The following FMN2 variants were observed in gnomAD, a reference collection of about 807,000 sequenced individuals.
The protein encoded by FMN2 is formin 2, also known as formin-2.
FMN2 carries 51 observed loss-of-function variants against 142.3 expected under a neutral mutation model. That is an observed-to-expected ratio of 0.36 (90% CI 0.29 to 0.45). The LOEUF (loss-of-function observed/expected upper bound fraction) is 0.45. Ranked by LOEUF, FMN2 falls within the 20% of genes least tolerant of loss-of-function variation. The pLI is 1.00. For missense variants in FMN2, 1,936 were observed against 2,122.8 expected (o/e 0.91, Z 1.73); for synonymous variants, 882 against 869.8 (o/e 1.01, Z -0.25).
intron 10 of FMN2, among the ~76,000 whole-genome samples, chr1:240,330,402 T>A (rs3795680): frequency 0.3 from 45,017 of 152,010 alleles, 6,750 homozygotes; most frequent in East Asian, 0.33. Flanking sequence ...TACAAAGGCA[T>A]ACCTGAATGT....
At chr1:240,113,301 C>T (rs563318360) in intron 1 of FMN2, among the ~76,000 whole-genome samples, 1 of 152,040 alleles carries the variant, frequency 6.6e-6, no homozygotes, top group Non-Finnish European at 1.5e-5. Context: ...CGGTGGTGCG[C>T]ACCTGTAATC....
chr1:240,214,573 GAAA>G (rs1390237678), intron 6 of FMN2, among the ~76,000 whole-genome samples: 1 of 148,926 alleles, frequency 6.7e-6, no homozygotes, highest in Non-Finnish European at 1.5e-5. Flanking sequence ...AAAAGAAAAA[GAAA>G]AAGAAAAAGT....
chr1:240,456,036 G>C (rs117933968), intron 16 of FMN2, among the ~76,000 whole-genome samples: 1 of 151,746 alleles, frequency 6.6e-6, no homozygotes, highest in Non-Finnish European at 1.5e-5. Flanking sequence ...AGGTAAGAGC[G>C]ACATGTTCAT....
chr1:240,360,503 G>C (rs993992462), intron 14 of FMN2, among the ~76,000 whole-genome samples: 3 of 152,138 alleles, frequency 2.0e-5, no homozygotes, highest in Non-Finnish European at 2.9e-5. Context: ...TCAGTTGTAC[G>C]TTTTCCTTCT....
intron 4 of FMN2, among the ~76,000 whole-genome samples, chr1:240,206,523 T>G (rs1358608558): frequency 6.6e-6 from 1 of 152,078 alleles, no homozygotes; most frequent in Non-Finnish European, 1.5e-5. Flanking sequence ...CACTCAGAGC[T>G]TTCTTCCCTG....
chr1:240,119,205 T>C (rs1662141532), intron 1 of FMN2, among the ~76,000 whole-genome samples: 1 of 151,974 alleles, frequency 6.6e-6, no homozygotes, highest in Non-Finnish European at 1.5e-5. Flanking sequence ...GGCGCATGCC[T>C]GTAATCCCGG....
At chr1:240,253,771 A>G (rs1668357945) in intron 6 of FMN2, among the ~76,000 whole-genome samples, 2 of 152,106 alleles carry the variant, frequency 1.3e-5, no homozygotes, top group Admixed American at 1.3e-4. Context: ...TTTCCTGAAG[A>G]TGTATCTGTG....
At chr1:240,454,444 A>C (rs943853657) in intron 16 of FMN2, among the ~76,000 whole-genome samples, 1 of 152,188 alleles carries the variant, frequency 6.6e-6, no homozygotes, top group Admixed American at 6.5e-5. Flanking sequence ...CAGGAGGCTG[A>C]GGCATGAGGC....
At chr1:240,418,351 C>T (rs1674652649) in intron 15 of FMN2, among the ~76,000 whole-genome samples, 2 of 151,898 alleles carry the variant, frequency 1.3e-5, no homozygotes, top group African/African-American at 4.8e-5. Flanking sequence ...CGCCCACCAC[C>T]ACGCCCGGCT....
At chr1:240,138,412 C>A (rs1663043045) in intron 2 of FMN2, among the ~76,000 whole-genome samples, 1 of 151,940 alleles carries the variant, frequency 6.6e-6, no homozygotes, top group Non-Finnish European at 1.5e-5. Context: ...AAAAGTATTA[C>A]ATGTGGGCCG....
intron 2 of FMN2, among the ~76,000 whole-genome samples, chr1:240,159,905 G>GTATATATATA (rs34012500): frequency 7.1e-4 from 85 of 120,078 alleles, no homozygotes; most frequent in African/African-American, 2.0e-3. Flanking sequence ...ATATATCTGT[G>GTATATATATA]TATATATATA....
chr1:240,379,277 T>C (rs899109621), intron 14 of FMN2, among the ~76,000 whole-genome samples: 1 of 152,142 alleles, frequency 6.6e-6, no homozygotes, highest in African/African-American at 2.4e-5. Context: ...CTCTGGCTCT[T>C]TAGACATCGA....
At chr1:240,253,030 G>T (rs1422199659) in intron 6 of FMN2, among the ~76,000 whole-genome samples, 4 of 137,700 alleles carry the variant, frequency 2.9e-5, no homozygotes, top group African/African-American at 1.1e-4. Context: ...TTGGCTCATT[G>T]CAACCTCTGA....
At chr1:240,220,720 A>T (rs549864011) in intron 6 of FMN2, among the ~76,000 whole-genome samples, 1 of 150,198 alleles carries the variant, frequency 6.7e-6, no homozygotes. Flanking sequence ...TTATTTATTT[A>T]TTTTCTTTTA....
At chr1:240,312,029 A>G (rs1391067403) in intron 8 of FMN2, among the ~76,000 whole-genome samples, 1 of 152,188 alleles carries the variant, frequency 6.6e-6, no homozygotes, top group Non-Finnish European at 1.5e-5. Context: ...TTATTAGTTG[A>G]CATCCAAAAG....
At chr1:240,345,674 G>C (rs1671886000) in intron 13 of FMN2, among the ~76,000 whole-genome samples, 1 of 152,018 alleles carries the variant, frequency 6.6e-6, no homozygotes, top group Non-Finnish European at 1.5e-5. Flanking sequence ...GTAGAGACAG[G>C]GTTTCGCTGT....
intron 16 of FMN2, among the ~76,000 whole-genome samples, chr1:240,467,580 G>T (rs1017394470): frequency 6.6e-6 from 1 of 152,082 alleles, no homozygotes; most frequent in East Asian, 1.9e-4. Context: ...ATTTCTTTAA[G>T]AGAGAGAAAA....
chr1:240,154,177 C>T (rs961190660), intron 2 of FMN2, among the ~76,000 whole-genome samples: 5 of 145,928 alleles, frequency 3.4e-5, no homozygotes, highest in South Asian at 4.5e-4. Context: ...AATTCATGTC[C>T]GTGTCTTAGG....
At chr1:240,101,799 A>G (rs1298530892) in intron 1 of FMN2, among the ~76,000 whole-genome samples, 1 of 151,586 alleles carries the variant, frequency 6.6e-6, no homozygotes, top group Admixed American at 6.6e-5. Flanking sequence ...CACTGATATA[A>G]TGATTATGTA....
Sources: gnomAD v4.1 joint callset for allele counts (sites outside exome capture counted in the v4.1 genomes callset) on GRCh38, gnomAD v4.1.1 for gene constraint, MANE v1.5 for transcripts, NCBI Gene and HGNC (gene_info 2026-07-23, HGNC 2026-07-21) for gene names.